ERVK3-1: variants seen among roughly 807,000 people sequenced by gnomAD.
ERVK3-1 encodes HERV-K(HML6-1).
intron 2 of ERVK3-1, chr19:58,309,892 A>G (rs1308328361): frequency 6.6e-6 from 1 of 152,218 alleles, no homozygotes; most frequent in Non-Finnish European, 1.5e-5. Flanking sequence ...GGCCTGGGAG[A>G]TGTCCACTGC....
intron 2 of ERVK3-1, chr19:58,306,766 A>G (rs1358890338): frequency 2.6e-5 from 4 of 152,116 alleles, no homozygotes; most frequent in East Asian, 1.9e-4. Flanking sequence ...CACTTTTCCT[A>G]TTACCTTAAG....
intron 2 of ERVK3-1, among the ~76,000 whole-genome samples, chr19:58,307,145 G>A (rs1431436961): frequency 2.0e-5 from 3 of 152,202 alleles, no homozygotes; most frequent in Non-Finnish European, 2.9e-5. Context: ...TACCATCAGT[G>A]CGCCTGGCCG....
chr19:58,306,507 T>C (rs1165009787), intron 2 of ERVK3-1: 1 of 152,218 alleles, frequency 6.6e-6, no homozygotes, highest in African/African-American at 2.4e-5. Context: ...TTTTCTCTGC[T>C]TGGGGTTTGG....
intron 2 of ERVK3-1, chr19:58,311,181 TTTA>T (rs1159456122): frequency 6.6e-6 from 1 of 152,408 alleles, no homozygotes; most frequent in Admixed American, 6.5e-5. Context: ...TGTTTTATAT[TTTA>T]TTATACTGGA....
chr19:58,313,660 G>A lies in ERVK3-1; in HGVS notation c.295-1088G>A, dbSNP rs1192499378. Among the ~76,000 whole-genome samples, 1 of 152,152 alleles carries A rather than the reference G, an allele frequency of 6.6e-6. No homozygotes were observed. The highest frequency in any genetic ancestry group is 6.5e-5 in the Admixed American group (1 of 15,278). On this transcript the variant is annotated intron_variant, in intron 3 of 3. Coordinates refer to ENST00000413518, the Ensembl canonical transcript of ERVK3-1. This position sits in a 1 kb window ranked among gnomAD's most constrained non-coding sequence, Gnocchi z 4.5. ...ACCAACTCCACGTAAACATCACCCA[G>A]TTGACTTGTGACTCTTGTCAACTGT...
rs530363054 is a variant in ERVK3-1, at chr19:58,306,020, CCTT to C, written c.-132-64_-132-62del. The stretch of plus-strand genomic sequence containing the variant: ...CCTAGAATCTAGGAGCCCCCTGACC[CCTT>C]CTTTCAAACAGATCCTTTTGTCTTT... On this transcript the variant is annotated intron_variant, in intron 1 of 3. Coordinates refer to ENST00000413518, the Ensembl canonical transcript of ERVK3-1. 9 of 152,480 alleles carry C rather than the reference CCTT, an allele frequency of 5.9e-5. No homozygotes were observed. In the East Asian group the frequency reaches 1.7e-3, roughly 29 times the overall value. The allele number at this position is 152,480 out of a possible 1,614,324, so 9.4% of individuals were successfully genotyped here.
chr19:58,314,902 C>T, exon 4 of ERVK3-1: 1 of 395,578 alleles, frequency 2.5e-6, no homozygotes, highest in Non-Finnish European at 4.5e-6. Flanking sequence ...GCTCTGTGAG[C>T]AAACAGCAAA....
Position 58,312,010 on chromosome 19 carries a change from C to T in ERVK3-1, c.-3-156C>T, listed in dbSNP as rs542170885. 7 of 396,220 alleles carry T rather than the reference C, an allele frequency of 1.8e-5. No homozygotes were observed. The highest frequency in any genetic ancestry group is 1.4e-4 in the South Asian group (1 of 6,998). The allele number at this position is 396,220 out of a possible 1,614,324, so 24.5% of individuals were successfully genotyped here. ...ACTTTAAATTGTTTGACTCCTGGTA[C>T]GGATGGCAAGACCCCAGCAGAACGA... is the stretch of plus-strand genomic sequence containing the variant. On this transcript the variant is annotated intron_variant, in intron 2 of 3. Coordinates refer to ENST00000413518, the Ensembl canonical transcript of ERVK3-1. This position sits in a 1 kb window ranked among gnomAD's most constrained non-coding sequence, Gnocchi z 4.7.
At position 58,313,114 on chromosome 19, in the gene ERVK3-1, C is replaced by G. The variant is rs2051567707; in HGVS notation, c.294+652C>G. On this transcript the variant is annotated intron_variant, in intron 3 of 3. Transcript: ENST00000413518. The surrounding 1 kb of genome is among the most constrained non-coding windows in gnomAD (Gnocchi z 4.5). ...CCCGCCCTTACCTCAGTGACGTCATCTAGGAAACAGAGGCCCAATTCAGGA... is the reference window on the plus strand; with the variant it reads ...CCCGCCCTTACCTCAGTGACGTCATGTAGGAAACAGAGGCCCAATTCAGGA... 1 of 152,168 alleles carries G rather than the reference C, an allele frequency of 6.6e-6. No individual in the cohort carries two copies. Among genetic ancestry groups the G allele is most frequent in the Non-Finnish European group, 1.5e-5 (1 of 68,052 alleles). The allele number at this position is 152,168 out of a possible 1,614,324, so 9.4% of individuals were successfully genotyped here.
chr19:58,312,258 A>G lies in ERVK3-1; in HGVS notation c.90A>G (p.Leu30=). The change falls in exon 3 of 4, where the codon TTA becomes TTG. Residue 30 remains leucine (L), a synonymous_variant. Coordinates refer to ENST00000413518, the Ensembl canonical transcript of ERVK3-1. The surrounding 1 kb of genome is among the most constrained non-coding windows in gnomAD (Gnocchi z 4.7). ...CATGGTATTCAACCGTGGGCCTGTTACCTCCAGTACGAGCCATGAGCCAGC... is the reference window on the plus strand; with the variant it reads ...CATGGTATTCAACCGTGGGCCTGTTGCCTCCAGTACGAGCCATGAGCCAGC... The G allele has an allele frequency of 5.0e-6, 2 of 400,030 alleles. No homozygotes were observed. The allele number at this position is 400,030 out of a possible 1,614,324, so 24.8% of individuals were successfully genotyped here. A position where few individuals can be genotyped will look rare whatever the true frequency, so the allele number is the denominator to read the frequency against.
At chr19:58,308,930 A>G (rs1028623271) in intron 2 of ERVK3-1, 4 of 152,236 alleles carry the variant, frequency 2.6e-5, no homozygotes, top group African/African-American at 4.8e-5. Context: ...TTAATGCACA[A>G]ATTAAACCAG....
In ERVK3-1 at chr19:58,313,738, A is replaced by C. The variant is rs756717976; in HGVS notation, c.295-1010A>C. Among the ~76,000 whole-genome samples, 7 of 152,172 alleles carry C rather than the reference A, an allele frequency of 4.6e-5. No homozygotes were observed. Among genetic ancestry groups the C allele is most frequent in the Non-Finnish European group, 8.8e-5 (6 of 68,034 alleles). The stretch of plus-strand genomic sequence containing the variant: ...AAACACACAACATATCCACTCTAAT[A>C]ATTCTGGGTCGTATCCCTGGATTAT... On this transcript the variant is annotated intron_variant, in intron 3 of 3. Transcript: ENST00000413518. The surrounding 1 kb of genome is among the most constrained non-coding windows in gnomAD (Gnocchi z 4.5).
exon 4 of ERVK3-1, chr19:58,315,062 T>C (rs1045225167): frequency 2.7e-5 from 9 of 332,542 alleles, no homozygotes; most frequent in Non-Finnish European, 4.9e-5. Context: ...AGGAATCATG[T>C]GGGCCTGTGT....
intron 2 of ERVK3-1, among the ~76,000 whole-genome samples, chr19:58,308,190 G>T (rs1175056546): frequency 6.6e-6 from 1 of 152,204 alleles, no homozygotes; most frequent in Non-Finnish European, 1.5e-5. Context: ...AGGAAATCAA[G>T]AATTTGGGAG....
At chr19:58,316,086 G>C (rs576882597), downstream of ERVK3-1, among the ~76,000 whole-genome samples, 1 of 152,136 alleles carries the variant, frequency 6.6e-6, no homozygotes, top group Non-Finnish European at 1.5e-5. Context: ...AGATGGTGGG[G>C]TGGCAGTCAC....
chr19:58,315,339 TATC>T (rs1174558087), exon 4 of ERVK3-1: 4 of 152,236 alleles, frequency 2.6e-5, no homozygotes, highest in Non-Finnish European at 5.9e-5. Flanking sequence ...TCATACCCCT[TATC>T]ATCACTGCCT....
intron 2 of ERVK3-1, chr19:58,309,096 G>A (rs2051541559): frequency 6.6e-6 from 1 of 152,170 alleles, no homozygotes. Flanking sequence ...TAATCAGAGA[G>A]AGCCTGTCTC....
Position 58,312,450 on chromosome 19 carries a change from A to G in ERVK3-1, c.282A>G (p.Val94=), listed in dbSNP as rs1229397730. The change falls in exon 3 of 4, where the codon GTA becomes GTG. Residue 94 remains valine (V), a synonymous_variant. Coordinates refer to ENST00000413518, the Ensembl canonical transcript of ERVK3-1. This position sits in a 1 kb window ranked among gnomAD's most constrained non-coding sequence, Gnocchi z 4.7. ...CCATGTTCTTGGCCATGCTAGCTGT[A>G]GTGTCCTGTGCGGTATGTTTCCCCT... 1 of 400,052 alleles carries G rather than the reference A, an allele frequency of 2.5e-6. No homozygotes were observed. Among genetic ancestry groups the G allele is most frequent in the African/African-American group, 2.1e-5 (1 of 48,622 alleles). The allele number at this position is 400,052 out of a possible 1,614,324, so 24.8% of individuals were successfully genotyped here. A position where few individuals can be genotyped will look rare whatever the true frequency, so the allele number is the denominator to read the frequency against.
rs1190660754 is a variant in ERVK3-1, at chr19:58,313,806, C to G, written c.295-942C>G. Among the ~76,000 whole-genome samples the G allele has an allele frequency of 1.3e-5, 2 of 152,214 alleles. No homozygotes were observed. Among genetic ancestry groups the G allele is most frequent in the Non-Finnish European group, 2.9e-5 (2 of 68,030 alleles). ...TGCAAACCTTGGGCTGCCACCCCTGCTTTACATTTTGTAAAACTCCTTCTT... is the reference window on the plus strand; with the variant it reads ...TGCAAACCTTGGGCTGCCACCCCTGGTTTACATTTTGTAAAACTCCTTCTT... On this transcript the variant is annotated intron_variant, in intron 3 of 3. Transcript: ENST00000413518. The surrounding 1 kb of genome is among the most constrained non-coding windows in gnomAD (Gnocchi z 4.5).
Sources: allele counts gnomAD v4.1 joint callset (sites outside exome capture counted in the v4.1 genomes callset), GRCh38; gene constraint gnomAD v4.1.1; non-coding constraint Gnocchi (gnomAD v3.1); transcripts MANE v1.5; gene names NCBI Gene and HGNC (gene_info 2026-07-23, HGNC 2026-07-21).